Variants in TRHDE observed in about 807,000 individuals in gnomAD.
The protein encoded by TRHDE is thyrotropin releasing hormone degrading enzyme.
In TRHDE, 72 loss-of-function variants were observed where a neutral mutation model predicts 125.7. The observed-to-expected ratio is 0.57, with a 90% CI of 0.47 to 0.70. TRHDE has a LOEUF of 0.70. TRHDE is among the 30% of genes least tolerant of loss of function. The pLI is 0.00. For synonymous variants in TRHDE, 509 were observed against 509.1 expected (o/e 1.00, Z 0.00); for missense variants, 1,110 against 1,327.1 (o/e 0.84, Z 2.54).
intron 12 of TRHDE, among the ~76,000 whole-genome samples, chr12:72,581,142 T>C (rs956316603): frequency 6.6e-6 from 1 of 152,216 alleles, no homozygotes; most frequent in East Asian, 1.9e-4. Context: ...AAGCAGAGAT[T>C]TGAGATTTCT....
intron 2 of TRHDE, among the ~76,000 whole-genome samples, chr12:72,375,103 CCTTGGATAGGAGCTTAGT>C (rs1565718256): frequency 1.3e-5 from 2 of 152,092 alleles, no homozygotes; most frequent in African/African-American, 4.8e-5. Context: ...AAGAGCTTAG[CCTTGGATAGGAGCTTAGT>C]CAGTTCATCC....
At chr12:72,292,733 T>C (rs1880135670) in intron 2 of TRHDE, among the ~76,000 whole-genome samples, 1 of 152,214 alleles carries the variant, frequency 6.6e-6, no homozygotes, top group Admixed American at 6.5e-5. Flanking sequence ...TTTCCAGTTT[T>C]TGCTCCTAGT....
rs1355772311 is a variant in TRHDE, at chr12:72,195,764, T to G, written n.279+90012T>G. ...TTGTCAATTTTTGTTTTTGTCATAA[T>G]TGCTTTTGAGGATCTAGTTATAAAT... is the stretch of plus-strand genomic sequence containing the variant. On this transcript the variant is annotated intron_variant and non_coding_transcript_variant, in intron 2 of 4. Coordinates refer to the TRHDE transcript ENST00000548156. Among the ~76,000 whole-genome samples, 5 of 152,312 alleles carry G rather than the reference T, an allele frequency of 3.3e-5. No homozygotes were observed. In the East Asian group the frequency reaches 9.6e-4, roughly 29 times the overall value.
chr12:72,115,040 A>G (rs1171042658), intron 2 of TRHDE, among the ~76,000 whole-genome samples: 1 of 152,030 alleles, frequency 6.6e-6, no homozygotes, highest in Non-Finnish European at 1.5e-5. Context: ...TGTAATAATC[A>G]CCTCAGGGTA....
rs557056561 is a variant in TRHDE at position 72,176,952 on chromosome 12, T to G, written n.279+71200T>G. 2.0e-5 allele frequency among the ~76,000 whole-genome samples: 3 copies of G among 152,258 alleles called. No individual in the cohort carries two copies. The South Asian group carries it at 6.2e-4, about 32-fold the overall frequency. On this transcript the variant is annotated intron_variant and non_coding_transcript_variant, in intron 2 of 4. Coordinates refer to the TRHDE transcript ENST00000548156. ...AATAATGGAAAATAAAAAGTTTTTT[T>G]TGTGTTTTTTTTTCCCATTGGTAAG...
chr12:72,628,644 A>G (rs1008347993), intron 15 of TRHDE, among the ~76,000 whole-genome samples: 20 of 151,922 alleles, frequency 1.3e-4, no homozygotes, highest in African/African-American at 4.8e-4. Context: ...TATGTCACCA[A>G]ACAAGTGTTT....
At chr12:72,343,896 T>G (rs1471641664) in intron 2 of TRHDE, among the ~76,000 whole-genome samples, 2 of 152,110 alleles carry the variant, frequency 1.3e-5, no homozygotes, top group Non-Finnish European at 2.9e-5. Flanking sequence ...CATTGTTCAC[T>G]GAAAACTTAC....
intron 2 of TRHDE, among the ~76,000 whole-genome samples, chr12:72,184,244 C>G (rs1046142712): frequency 2.6e-5 from 4 of 152,116 alleles, no homozygotes; most frequent in African/African-American, 9.7e-5. Context: ...CTGCTGTCAC[C>G]TGTATTTCTC....
chr12:72,152,247 G>A (rs1190505212), intron 2 of TRHDE, among the ~76,000 whole-genome samples: 2 of 151,414 alleles, frequency 1.3e-5, no homozygotes, highest in Non-Finnish European at 2.9e-5. Context: ...CATTGATTTT[G>A]TATCCTGAGA....
At chr12:72,459,449 A>G (rs986495703) in intron 3 of TRHDE, among the ~76,000 whole-genome samples, 4 of 152,158 alleles carry the variant, frequency 2.6e-5, no homozygotes, top group Admixed American at 2.6e-4. Flanking sequence ...CACATATATT[A>G]ATTCATACAG....
intron 3 of TRHDE, among the ~76,000 whole-genome samples, chr12:72,467,476 G>T (rs951970537): frequency 4.6e-5 from 7 of 151,960 alleles, no homozygotes; most frequent in Admixed American, 2.6e-4. Flanking sequence ...AAAATGTAGC[G>T]GAAGATGGGG....
chr12:72,175,648 G>T (rs1281864704), intron 2 of TRHDE, among the ~76,000 whole-genome samples: 4 of 152,156 alleles, frequency 2.6e-5, no homozygotes, highest in Non-Finnish European at 5.9e-5. Flanking sequence ...TTGGGCTTTT[G>T]TTACTTGTTA....
rs143728098 is a variant in TRHDE at position 72,212,071 on chromosome 12, A to G, written n.279+106319A>G. 4.6e-5 allele frequency among the ~76,000 whole-genome samples: 7 copies of G among 152,298 alleles called. No homozygotes were observed. In the East Asian group the frequency reaches 1.4e-3, roughly 29 times the overall value. ...ACATTCACAGAAAATAGGGTTTGGAAGCATAAACCAGCAGGCTAGAAGTAG... is the reference window on the plus strand; with the variant it reads ...ACATTCACAGAAAATAGGGTTTGGAGGCATAAACCAGCAGGCTAGAAGTAG... On this transcript the variant is annotated intron_variant and non_coding_transcript_variant, in intron 2 of 4. Coordinates refer to the TRHDE transcript ENST00000548156.
At chr12:72,240,408 G>C (rs1878453985) in intron 2 of TRHDE, among the ~76,000 whole-genome samples, 1 of 150,032 alleles carries the variant, frequency 6.7e-6, no homozygotes, top group African/African-American at 2.4e-5. Context: ...TGTACATTCT[G>C]TTTTTGTAAC....
At chr12:72,587,720 T>C (rs1256363582) in intron 12 of TRHDE, among the ~76,000 whole-genome samples, 1 of 152,168 alleles carries the variant, frequency 6.6e-6, no homozygotes, top group East Asian at 1.9e-4. Context: ...ATAAGTATTT[T>C]ATACACATGA....
intron 2 of TRHDE, among the ~76,000 whole-genome samples, chr12:72,248,417 CAAAAAAAA>C (rs34434650): frequency 1.8e-5 from 1 of 55,786 alleles, no homozygotes; most frequent in African/African-American, 7.4e-5. Context: ...GACTCTGTCT[CAAAAAAAA>C]AAAAAAAAAA....
intron 3 of TRHDE, among the ~76,000 whole-genome samples, chr12:72,439,625 T>C (rs1423519050): frequency 6.6e-6 from 1 of 151,882 alleles, no homozygotes; most frequent in Non-Finnish European, 1.5e-5. Context: ...CTGAATTTTT[T>C]AGTTTTAACA....
At chr12:72,339,735 T>C (rs919799678) in intron 2 of TRHDE, among the ~76,000 whole-genome samples, 6 of 152,134 alleles carry the variant, frequency 3.9e-5, no homozygotes, top group Admixed American at 2.6e-4. Context: ...CATTTAGAAA[T>C]GAATGAGACA....
intron 10 of TRHDE, among the ~76,000 whole-genome samples, chr12:72,570,543 G>GA (rs1408793706): frequency 7.7e-5 from 11 of 142,130 alleles, no homozygotes; most frequent in African/African-American, 2.9e-4. Flanking sequence ...ATCGCGCTAT[G>GA]GCACTCCAGC....
Sources: gnomAD v4.1 joint callset for allele counts (sites outside exome capture counted in the v4.1 genomes callset) on GRCh38, gnomAD v4.1.1 for gene constraint, MANE v1.5 for transcripts, NCBI Gene and HGNC (gene_info 2026-07-23, HGNC 2026-07-21) for gene names.